The following GMEB2 variants were observed in gnomAD, a reference collection of about 807,000 sequenced individuals.
The protein encoded by GMEB2 is glucocorticoid modulatory element binding protein 2, also known as glucocorticoid modulatory element-binding protein 2.
GMEB2 carries 7 observed loss-of-function variants against 45.7 expected under a neutral mutation model. The ratio of observed to expected loss-of-function variants is 0.15; its 90% confidence interval spans 0.09 to 0.29. The LOEUF (loss-of-function observed/expected upper bound fraction) is 0.29, where lower values mean the gene tolerates loss of function less well. GMEB2 is among the 10% of genes least tolerant of loss of function. The pLI, the probability that GMEB2 is intolerant of heterozygous loss-of-function variation, is 1.00. For missense variants in GMEB2, 582 were observed against 739.2 expected (o/e 0.79, Z 2.47); for synonymous variants, 322 against 323.6 (o/e 1.00, Z 0.05).
At chr20:63,591,145 CAT>C (rs1244539450) in intron 9 of GMEB2, among the ~76,000 whole-genome samples, 7 of 150,074 alleles carry the variant, frequency 4.7e-5, no homozygotes, top group African/African-American at 7.5e-5. Flanking sequence ...AAAAGCAGCA[CAT>C]GTGGCACATG....
At chr20:63,612,072 T>C (rs1349416298) in intron 2 of GMEB2, among the ~76,000 whole-genome samples, 1 of 152,092 alleles carries the variant, frequency 6.6e-6, no homozygotes, top group Non-Finnish European at 1.5e-5. Context: ...CAAAAAATCA[T>C]TTCATGTCTC....
chr20:63,626,753 G>GCGCCCGCCAC (rs1211839561), intron 1 of GMEB2, among the ~76,000 whole-genome samples: 2 of 147,438 alleles, frequency 1.4e-5, no homozygotes, highest in African/African-American at 2.4e-5. Flanking sequence ...GCCGCCGCCC[G>GCGCCCGCCAC]CGCCCGCCAC....
chr20:63,599,090 A>G (rs1218703984), intron 4 of GMEB2, among the ~76,000 whole-genome samples: 4 of 152,212 alleles, frequency 2.6e-5, no homozygotes, highest in Non-Finnish European at 5.9e-5. Context: ...CACGCTTACC[A>G]GAGCTGCCAG....
At chr20:63,596,813 T>C (rs1284419955) in intron 5 of GMEB2, among the ~76,000 whole-genome samples, 2 of 152,192 alleles carry the variant, frequency 1.3e-5, no homozygotes, top group African/African-American at 4.8e-5. Flanking sequence ...AGGTCAAGTG[T>C]TCGAGACCAG....
rs112641458 is a variant in GMEB2 at position 63,595,856 on chromosome 20, C to T, written c.462-89G>A. On this transcript the variant is annotated intron_variant, in intron 5 of 9. Transcript: ENST00000370077. ...CACCCTGACCTGGGCCATCCACCTG[C>T]GTGGGGCAGGCCTAGCAGAGGCGCT... 2.1e-4 allele frequency: 263 copies of T among 1,231,842 alleles called. 1 individual carries two copies. Among genetic ancestry groups the T allele is most frequent in the Non-Finnish European group, 2.9e-4 (242 of 846,660 alleles). The allele number at this position is 1,231,842 out of a possible 1,614,324, so 76.3% of individuals were successfully genotyped here.
rs1003857800 is a variant in GMEB2, at chr20:63,589,181, G to C, written c.*908C>G. On this transcript the variant is annotated 3_prime_UTR_variant, in exon 10 of 10. Coordinates refer to ENST00000370077, the MANE Select transcript of GMEB2 (RefSeq NM_012384.5). ...CCTCTGCCCCAGGACTGAAGCCCTA[G>C]GGACACACCTCATGGATCTCAGACC... 4 of 399,090 alleles carry C rather than the reference G, an allele frequency of 1.0e-5. No homozygotes were observed. Among genetic ancestry groups the C allele is most frequent in the African/African-American group, 6.2e-5 (3 of 48,630 alleles). 24.7% of individuals were successfully genotyped at this position (399,090 alleles called of 1,614,324 possible).
At chr20:63,617,762 G>A (rs918921046) in intron 2 of GMEB2, among the ~76,000 whole-genome samples, 1 of 152,068 alleles carries the variant, frequency 6.6e-6, no homozygotes, top group Non-Finnish European at 1.5e-5. Context: ...CCCGGCAGCC[G>A]CGGCCACGGT....
intron 2 of GMEB2, among the ~76,000 whole-genome samples, chr20:63,607,643 C>CA (rs2089532216): frequency 6.3e-5 from 1 of 15,828 alleles, no homozygotes; most frequent in Non-Finnish European, 4.1e-4. Flanking sequence ...CCCTCTGACC[C>CA]CACATCCATT....
intron 4 of GMEB2, among the ~76,000 whole-genome samples, chr20:63,599,137 AGCTAACGCAGCCGCTCCTGACCCTCCAGC>A (rs1185964964): frequency 1.3e-5 from 2 of 151,438 alleles, no homozygotes; most frequent in African/African-American, 4.9e-5. Context: ...GACCCCCCAG[AGCTAACGCAGCCGCTCCTGACCCTCCAGC>A]GCTAACGCGG....
intron 2 of GMEB2, among the ~76,000 whole-genome samples, chr20:63,612,697 G>C (rs960802651): frequency 6.6e-6 from 1 of 152,170 alleles, no homozygotes; most frequent in African/African-American, 2.4e-5. Context: ...AGAAGTCCAG[G>C]CCTCCAGGTG....
rs1329792029 is a variant in GMEB2, at chr20:63,592,272, CTA to C, written c.830-130_830-129del. ...CGCTCGGTGAGAGCCTGGGCTCTTC[CTA>C]GAGAGTGAGAACACCACCACTGAGG... On this transcript the variant is annotated intron_variant, in intron 8 of 9. Coordinates refer to ENST00000370077, the MANE Select transcript of GMEB2 (RefSeq NM_012384.5). The surrounding 1 kb of genome is among the most constrained non-coding windows in gnomAD (Gnocchi z 8.2). 6 of 894,440 alleles carry C rather than the reference CTA, an allele frequency of 6.7e-6. No individual in the cohort carries two copies. The East Asian group carries it at 1.5e-4, about 23-fold the overall frequency. 55.4% of individuals were successfully genotyped at this position (894,440 alleles called of 1,614,324 possible).
Position 63,590,413 on chromosome 20 carries a change from C to A in GMEB2, c.1269G>T (p.Pro423=). 15 of 1,570,880 alleles carry A rather than the reference C, an allele frequency of 9.5e-6. No individual in the cohort carries two copies. Among genetic ancestry groups the A allele is most frequent in the Non-Finnish European group, 1.3e-5 (15 of 1,152,416 alleles). The change falls in exon 10 of 10, where the codon CCG becomes CCT. Residue 423 remains proline (P), a synonymous_variant. Transcript: ENST00000370077. ...GSLQAPPASS[P]ASPLLGGYTV... is the part of the protein sequence containing the mutation. ...TGTATCCCCCGAGCAGCGGGGAGGCCGGGGAGCTGGCGGGGGGCGCCTGAA... is the reference window on the plus strand; with the variant it reads ...TGTATCCCCCGAGCAGCGGGGAGGCAGGGGAGCTGGCGGGGGGCGCCTGAA...
chr20:63,592,928 G>A lies in GMEB2; in HGVS notation c.691+83C>T. 1.1e-6 allele frequency: 1 copy of A among 913,524 alleles called. No homozygotes were observed. Among genetic ancestry groups the A allele is most frequent in the South Asian group, 1.4e-5 (1 of 71,674 alleles). 56.6% of individuals were successfully genotyped at this position (913,524 alleles called of 1,614,324 possible). A position where few individuals can be genotyped will look rare whatever the true frequency, so the allele number is the denominator to read the frequency against. On this transcript the variant is annotated intron_variant, in intron 7 of 9. Coordinates refer to ENST00000370077, the MANE Select transcript of GMEB2 (RefSeq NM_012384.5). The surrounding 1 kb of genome is among the most constrained non-coding windows in gnomAD (Gnocchi z 8.2). ...CCTGCCGGCCCCACCTGGACTCCTG[G>A]AGCCCCTGTGTGGCCCGAGGTGGGC...
chr20:63,620,035 C>T (rs1251958449), intron 1 of GMEB2, among the ~76,000 whole-genome samples: 1 of 152,160 alleles, frequency 6.6e-6, no homozygotes, highest in Non-Finnish European at 1.5e-5. Context: ...GCAAGCTCCA[C>T]CTCCTGGGTT....
chr20:63,610,521 A>G (rs1355287977), intron 2 of GMEB2, among the ~76,000 whole-genome samples: 1 of 152,162 alleles, frequency 6.6e-6, no homozygotes, highest in East Asian at 1.9e-4. Context: ...AATCTGTCTC[A>G]AAAAAAGAAA....
At chr20:63,611,012 AC>A (rs1239117731) in intron 2 of GMEB2, among the ~76,000 whole-genome samples, 1 of 151,948 alleles carries the variant, frequency 6.6e-6, no homozygotes, top group Non-Finnish European at 1.5e-5. Context: ...CCCAGCCTGG[AC>A]CCCCCGGCGA....
chr20:63,626,918 CGCCGCGGGGGG>C (rs969432488), intron 1 of GMEB2, 27 bp downstream of exon 1: 17 of 146,716 alleles, frequency 1.2e-4, no homozygotes, highest in African/African-American at 3.9e-4. Context: ...CGAGAGGCCT[CGCCGCGGGGGG>C]GCCGCGGGCT....
intron 4 of GMEB2, among the ~76,000 whole-genome samples, chr20:63,598,536 G>C (rs2083217108): frequency 6.6e-6 from 1 of 152,194 alleles, no homozygotes; most frequent in South Asian, 2.1e-4. Context: ...AAACAAGCAG[G>C]CTGGGGATGG....
rs1569044456 is a variant in GMEB2 at position 63,588,243 on chromosome 20, C to T, written c.*1846G>A. 6.5e-6 allele frequency: 1 copy of T among 153,122 alleles called. No homozygotes were observed. The highest frequency in any genetic ancestry group is 1.5e-5 in the Non-Finnish European group (1 of 68,622). 9.5% of individuals were successfully genotyped at this position (153,122 alleles called of 1,614,324 possible). The stretch of plus-strand genomic sequence containing the variant: ...CTTAAAAAGAAAGGAAATGAACCCA[C>T]AACCCACTGGAAGTTCTGTTGACGA... On this transcript the variant is annotated 3_prime_UTR_variant, in exon 10 of 10. Transcript: ENST00000370077.
Sources: gnomAD v4.1 joint callset for allele counts (sites outside exome capture counted in the v4.1 genomes callset) on GRCh38, gnomAD v4.1.1 for gene constraint, Gnocchi (gnomAD v3.1) non-coding constraint, MANE v1.5 for transcripts, NCBI Gene and HGNC (gene_info 2026-07-23, HGNC 2026-07-21) for gene names.